The following CEP250 variants were observed in gnomAD, a reference collection of about 807,000 sequenced individuals.
CEP250 encodes the protein centrosome-associated protein CEP250.
In CEP250, 242 loss-of-function variants were observed where a neutral mutation model predicts 315.7. The ratio of observed to expected loss-of-function variants is 0.77; its 90% confidence interval spans 0.69 to 0.85. CEP250 has a LOEUF of 0.85. CEP250 is among the 40% of genes least tolerant of loss of function. The pLI is 0.00. For synonymous variants in CEP250, 1,088 were observed against 1,175.0 expected (o/e 0.93, Z 1.51); for missense variants, 2,515 against 2,886.4 (o/e 0.87, Z 2.95).
At position 35,485,682 on chromosome 20, in the gene CEP250, A is replaced by T. The variant is rs555099177; in HGVS notation, c.2587-4955A>T. ...TTTTTTTTTTTTTTTTTTTTGAGACAGGGTCTTGCTCTGTCACTCAGGCTA... is the reference window on the plus strand; with the variant it reads ...TTTTTTTTTTTTTTTTTTTTGAGACTGGGTCTTGCTCTGTCACTCAGGCTA... On this transcript the variant is annotated intron_variant, in intron 20 of 34. Coordinates refer to ENST00000397527, the MANE Select transcript of CEP250 (RefSeq NM_007186.6). 6.0e-4 allele frequency among the ~76,000 whole-genome samples: 54 copies of T among 90,216 alleles called. 1 individual carries two copies. The South Asian group carries it at 0.018, about 30-fold the overall frequency. The allele number at this position is 90,216 out of a possible 152,430, so 59.2% of individuals were successfully genotyped here.
Position 35,497,997 on chromosome 20 carries a change from T to TA in CEP250, c.3585_3586insA (p.Val1196SerfsTer3), listed in dbSNP as rs1479625781. 1.2e-6 allele frequency: 2 copies of TA among 1,612,896 alleles called. No homozygotes were observed. The highest frequency in any genetic ancestry group is 1.3e-5 in the African/African-American group (1 of 74,942). ...CTGCCCTGCAGCAGGCCCTGGGGTC[T>TA]GTTTGTGAGAGCAGGCCTGAGCTGA... On this transcript the variant is annotated frameshift_variant, in exon 26 of 35. Transcript: ENST00000397527. LOFTEE classifies it high-confidence loss of function.
At chr20:35,509,923 GTT>G in intron 33 of CEP250, 73 bp from the exon 34 acceptor site, 1 of 1,343,026 alleles carries the variant, frequency 7.4e-7, no homozygotes, top group African/African-American at 1.4e-5. Flanking sequence ...TTGTGATGAG[GTT>G]CTGCAAGGAA....
chr20:35,482,322 C>G (rs895501851), intron 20 of CEP250, among the ~76,000 whole-genome samples: 1 of 152,092 alleles, frequency 6.6e-6, no homozygotes, highest in African/African-American at 2.4e-5. Flanking sequence ...AGGTCCGCCT[C>G]TGGGTTCACG....
chr20:35,498,552 T>C, intron 26 of CEP250, 43 bp from the exon 27 acceptor site: 1 of 1,600,562 alleles, frequency 6.2e-7, no homozygotes, highest in Middle Eastern at 1.9e-4. Flanking sequence ...CTGTTTCTTT[T>C]CATAGTGGCA....
intron 10 of CEP250, chr20:35,470,216 G>A: frequency 1.7e-6 from 1 of 583,144 alleles, no homozygotes; most frequent in Non-Finnish European, 3.1e-6. Flanking sequence ...AATTGCAATG[G>A]CATATGTATG....
At chr20:35,473,279 GC>G in intron 12 of CEP250, 94 bp from the exon 13 acceptor site, 1 of 1,075,856 alleles carries the variant, frequency 9.3e-7, no homozygotes, top group Non-Finnish European at 1.3e-6. Context: ...TGTTGCACCA[GC>G]CCCCGACCCC....
rs144992146 is a variant in CEP250 at position 35,466,929 on chromosome 20, C to A, written c.493-37C>A. On this transcript the variant is annotated intron_variant, in intron 7 of 34. Coordinates refer to ENST00000397527, the MANE Select transcript of CEP250 (RefSeq NM_007186.6). Reference sequence around the variant, plus strand: ...TCTTGTGTTGGCAAAAGATAGCCCTCTGCCTTTGGGTATGACCTGGGTTTC... The same window carrying A: ...TCTTGTGTTGGCAAAAGATAGCCCTATGCCTTTGGGTATGACCTGGGTTTC... 812 of 1,366,244 alleles carry A rather than the reference C, an allele frequency of 5.9e-4. 1 individual carries two copies. The African/African-American group carries it at 9.9e-3, about 17-fold the overall frequency. 84.6% of individuals were successfully genotyped at this position (1,366,244 alleles called of 1,614,324 possible).
At chr20:35,485,872 G>C (rs2063498983) in intron 20 of CEP250, among the ~76,000 whole-genome samples, 1 of 147,414 alleles carries the variant, frequency 6.8e-6, no homozygotes, top group Non-Finnish European at 1.5e-5. Context: ...ATGTTACCCA[G>C]GCTGGTCTTG....
rs2064447440 is a variant in CEP250, at chr20:35,517,647, G to C, written c.*6021G>C. The C allele has an allele frequency of 6.6e-6, 1 of 152,050 alleles. No individual in the cohort carries two copies. The highest frequency in any genetic ancestry group is 2.1e-4 in the South Asian group (1 of 4,828). The allele number at this position is 152,050 out of a possible 1,614,324, so 9.4% of individuals were successfully genotyped here. On this transcript the variant is annotated 3_prime_UTR_variant, in exon 35 of 35. Transcript: ENST00000397527. Reference sequence around the variant, plus strand: ...CGTGCCTGTAGTCCCAGCTACTTGGGAGGCTGAGGCAGGAGGATCGCTTGA... The same window carrying C: ...CGTGCCTGTAGTCCCAGCTACTTGGCAGGCTGAGGCAGGAGGATCGCTTGA...
chr20:35,481,091 T>C (rs1192231114), intron 20 of CEP250: 1 of 152,176 alleles, frequency 6.6e-6, no homozygotes, highest in East Asian at 1.9e-4. Context: ...TCAGTAGTTT[T>C]ACCCTTTTCC....
At chr20:35,510,393 C>T (rs1040659417) in intron 34 of CEP250, among the ~76,000 whole-genome samples, 1 of 152,216 alleles carries the variant, frequency 6.6e-6, no homozygotes, top group Admixed American at 6.5e-5. Flanking sequence ...AAGACTGTTG[C>T]CAGTGCCCCA....
At position 35,504,149 on chromosome 20, in the gene CEP250, G is replaced by A; in HGVS notation, c.5780G>A (p.Ser1927Asn). The change falls in exon 30 of 35, where the codon AGC becomes AAC. Residue 1927 changes from serine to asparagine, a missense_variant. Physicochemically the swap from Ser to Asn is conservative, Grantham distance 46 (BLOSUM62 1). Coordinates refer to ENST00000397527, the MANE Select transcript of CEP250 (RefSeq NM_007186.6). ...GTGGAGACCAGGGCCCTGCAGGACA[G>A]CTGGCTGCAGGCCCAGGCAGTGCTC... ...HEVETRALQD[S>N]WLQAQAVLKE... is the part of the protein sequence containing the mutation. 1 of 1,614,016 alleles carries A rather than the reference G, an allele frequency of 6.2e-7. No individual in the cohort carries two copies. The highest frequency in any genetic ancestry group is 8.5e-7 in the Non-Finnish European group (1 of 1,179,960).
At chr20:35,456,364 G>C (rs1164810394) in intron 1 of CEP250, among the ~76,000 whole-genome samples, 1 of 152,216 alleles carries the variant, frequency 6.6e-6, no homozygotes, top group Non-Finnish European at 1.5e-5. Flanking sequence ...TTGATGACTT[G>C]ACTAGATTGC....
At position 35,465,735 on chromosome 20, in the gene CEP250, TGGCGCA is replaced by T; in HGVS notation, c.244-5_244del. ...GAGGTAAGTAAGGCTTGTCTCTGTC[TGGCGCA>T]GGGACCAATCCCCCAGAGGTGGGAA... On this transcript the variant is annotated splice_acceptor_variant and splice_polypyrimidine_tract_variant and intron_variant, in intron 5 of 34. Transcript: ENST00000397527. LOFTEE classifies it high-confidence loss of function. 1 of 1,586,944 alleles carries T rather than the reference TGGCGCA, an allele frequency of 6.3e-7. No homozygotes were observed. Among genetic ancestry groups the T allele is most frequent in the Non-Finnish European group, 8.6e-7 (1 of 1,167,446 alleles).
intron 20 of CEP250, among the ~76,000 whole-genome samples, chr20:35,484,916 G>A (rs894918807): frequency 5.3e-5 from 8 of 152,018 alleles, no homozygotes; most frequent in African/African-American, 1.2e-4. Flanking sequence ...TATAATTTTC[G>A]CATGTCACAA....
chr20:35,473,823 A>G (rs780552581), intron 13 of CEP250, 47 bp from the exon 14 acceptor site: 21 of 1,525,908 alleles, frequency 1.4e-5, no homozygotes, highest in Non-Finnish European at 1.9e-5. Context: ...TCCAGAAAGA[A>G]TTTTAGGTCC....
chr20:35,491,237 G>A lies in CEP250; in HGVS notation c.2780G>A (p.Arg927Lys). 1 of 1,611,294 alleles carries A rather than the reference G, an allele frequency of 6.2e-7. No individual in the cohort carries two copies. The highest frequency in any genetic ancestry group is 8.5e-7 in the Non-Finnish European group (1 of 1,178,798). The stretch of plus-strand genomic sequence containing the variant: ...ATGCAGCTGGAAACAGAGAAGGAGA[G>A]AGTATCCCTCCTGGAGACACTGCTG... ...CQMQLETEKE[R>K]VSLLETLLQT... The change falls in exon 22 of 35, where the codon AGA becomes AAA. Residue 927 changes from arginine to lysine, a missense_variant. Physicochemically the swap from Arg to Lys is conservative, Grantham distance 26 (BLOSUM62 2). Transcript: ENST00000397527.
Position 35,503,604 on chromosome 20 carries a change from C to T in CEP250, c.5235C>T (p.Ile1745=). The T allele has an allele frequency of 6.2e-7, 1 of 1,614,092 alleles. No individual in the cohort carries two copies. The highest frequency in any genetic ancestry group is 8.5e-7 in the Non-Finnish European group (1 of 1,180,000). Residue 1745 remains isoleucine, a synonymous_variant, in exon 30 of 35, where the codon ATC becomes ATT. Transcript: ENST00000397527. The surrounding 1 kb of genome is among the most constrained non-coding windows in gnomAD (Gnocchi z 4.2). ...AGGTGGAATGTCAGCAGGAGCATAT[C>T]CATGAACTCCAGGAGCTCAAAGACC... ...EKEVECQQEH[I]HELQELKDQL... is the part of the protein sequence containing the mutation.
chr20:35,474,120 C>A, intron 14 of CEP250, 68 bp downstream of exon 14: 1 of 1,292,716 alleles, frequency 7.7e-7, no homozygotes, highest in Non-Finnish European at 1.0e-6. Flanking sequence ...TCCCCGTCTA[C>A]TCCCCTCTGT....
Sources: gnomAD v4.1 joint callset for allele counts (sites outside exome capture counted in the v4.1 genomes callset) on GRCh38, gnomAD v4.1.1 for gene constraint, Gnocchi (gnomAD v3.1) non-coding constraint, MANE v1.5 for transcripts, NCBI Gene and HGNC (gene_info 2026-07-23, HGNC 2026-07-21) for gene names.